WIPI2: variants seen among roughly 807,000 people sequenced by gnomAD.
The protein encoded by WIPI2 is WD repeat domain phosphoinositide-interacting protein 2.
A neutral mutation model predicts 52.3 loss-of-function variants in WIPI2; 28 were observed. That is an observed-to-expected ratio of 0.54 (90% confidence interval 0.40 to 0.73). The LOEUF (loss-of-function observed/expected upper bound fraction) is 0.73. Ranked by LOEUF, WIPI2 falls within the 30% of genes least tolerant of loss-of-function variation. WIPI2 has a pLI of 0.00. For missense variants in WIPI2, 506 were observed against 602.9 expected, an observed-to-expected ratio of 0.84 and a Z score of 1.68; for synonymous variants, 268 against 245.0, an observed-to-expected ratio of 1.09 and a Z score of -0.88.
intron 7 of WIPI2, among the ~76,000 whole-genome samples, chr7:5,219,835 G>A (rs989146941): frequency 2.8e-5 from 4 of 144,622 alleles, no homozygotes; most frequent in Admixed American, 6.9e-5. Context: ...TCAAGTACCA[G>A]TTTTTTTTTT....
rs1249675956 is a variant in WIPI2, at chr7:5,227,079, CT to C, written c.849-97del. The C allele has an allele frequency of 1.3e-6, 2 of 1,486,438 alleles. No individual in the cohort carries two copies. Among genetic ancestry groups the C allele is most frequent in the South Asian group, 1.3e-5 (1 of 78,756 alleles). The allele number at this position is 1,486,438 out of a possible 1,614,324, so 92.1% of individuals were successfully genotyped here. On this transcript the variant is annotated intron_variant, in intron 9 of 12. Coordinates refer to ENST00000288828, the MANE Select transcript of WIPI2 (RefSeq NM_015610.4). The surrounding 1 kb of genome is among the most constrained non-coding windows in gnomAD (Gnocchi z 8.1). ...TTAATTTTCCTGTGAAGAATGGAGA[CT>C]TTTGCTGTCGGCTCCAGAGCTGTGC...
intron 7 of WIPI2, 22 bp from the exon 8 acceptor site, chr7:5,222,580 C>T: frequency 6.2e-7 from 1 of 1,610,456 alleles, no homozygotes; most frequent in South Asian, 1.1e-5. Context: ...TCAAATTCTT[C>T]TTTTCTCTTT....
chr7:5,216,738 TC>T, intron 5 of WIPI2, 79 bp downstream of exon 5: 1 of 1,405,974 alleles, frequency 7.1e-7, no homozygotes, highest in Non-Finnish European at 9.9e-7. Context: ...AGAGATTTTT[TC>T]TTTTTATAGG....
chr7:5,217,406 T>C (rs1042746393), intron 6 of WIPI2: 2 of 543,754 alleles, frequency 3.7e-6, no homozygotes, highest in African/African-American at 1.9e-5. Context: ...CTGGGCTCAA[T>C]TGATCCTCCT....
chr7:5,224,329 T>C (rs1311744639), intron 8 of WIPI2, among the ~76,000 whole-genome samples: 1 of 152,258 alleles, frequency 6.6e-6, no homozygotes, highest in Admixed American at 6.5e-5. Flanking sequence ...TTAAATCCCT[T>C]TCTCCATGCG....
chr7:5,223,350 C>T (rs936553912), intron 8 of WIPI2, among the ~76,000 whole-genome samples: 1 of 152,218 alleles, frequency 6.6e-6, no homozygotes, highest in African/African-American at 2.4e-5. Flanking sequence ...TCAGTACCTC[C>T]CTCCCTGAAG....
intron 2 of WIPI2, among the ~76,000 whole-genome samples, chr7:5,195,253 A>AAG (rs996379577): frequency 1.3e-5 from 2 of 152,202 alleles, no homozygotes; most frequent in Non-Finnish European, 2.9e-5. Flanking sequence ...ATGCAAGGCC[A>AAG]AGGTGGGAGG....
At position 5,214,676 on chromosome 7, in the gene WIPI2, C is replaced by G. The variant is rs766186638; in HGVS notation, c.353C>G (p.Thr118Arg). 12 of 1,614,116 alleles carry G rather than the reference C, an allele frequency of 7.4e-6. No homozygotes were observed. In the South Asian group the frequency reaches 1.3e-4, roughly 18 times the overall value. The change falls in exon 4 of 13, where the codon ACG becomes AGG. Residue 118 changes from threonine to arginine, a missense_variant. Thr to Arg is a moderately conservative substitution (Grantham distance 71). Coordinates refer to ENST00000288828, the MANE Select transcript of WIPI2 (RefSeq NM_015610.4). Reference protein sequence around the residue: ...TEICNYSYSNTILAVKLNRQR... With the variant: ...TEICNYSYSNRILAVKLNRQR... ...ATCTGCAACTACAGCTACTCCAACA[C>G]GATTCTGGCTGTGAAGCTCAACAGG...
chr7:5,207,086 G>A (rs979888550), intron 3 of WIPI2, among the ~76,000 whole-genome samples: 5 of 152,104 alleles, frequency 3.3e-5, no homozygotes, highest in Non-Finnish European at 2.9e-5. Flanking sequence ...TTTTGTGTGT[G>A]TGTGTGCATT....
At chr7:5,206,826 G>A (rs1273382731) in intron 3 of WIPI2, among the ~76,000 whole-genome samples, 2 of 152,138 alleles carry the variant, frequency 1.3e-5, no homozygotes, top group South Asian at 2.1e-4. Flanking sequence ...CTGCCAGGCT[G>A]GAGTGCAGTG....
At chr7:5,204,659 T>TTTGTGTTATGGCTGTTACCAC (rs1782204013) in intron 3 of WIPI2, among the ~76,000 whole-genome samples, 2 of 152,174 alleles carry the variant, frequency 1.3e-5, no homozygotes, top group Admixed American at 6.5e-5. Context: ...AGTGCATCCT[T>TTTGTGTTATGGCTGTTACCAC]TTGTGTTATG....
rs976550043 is a variant in WIPI2 at position 5,233,807 on chromosome 7, A to G, written c.*2860A>G. On this transcript the variant is annotated 3_prime_UTR_variant, in exon 13 of 13. Transcript: ENST00000288828. ...CCAGCCAGCGGTGGGCACCCAATAA[A>G]CGCTACAACATAAATGTGTCTTCTG... 1.3e-5 allele frequency: 2 copies of G among 152,158 alleles called. No individual in the cohort carries two copies. Among genetic ancestry groups the G allele is most frequent in the Non-Finnish European group, 2.9e-5 (2 of 68,022 alleles). The allele number at this position is 152,158 out of a possible 1,614,324, so 9.4% of individuals were successfully genotyped here.
At chr7:5,203,687 T>C (rs911677518) in intron 3 of WIPI2, among the ~76,000 whole-genome samples, 1 of 144,254 alleles carries the variant, frequency 6.9e-6, no homozygotes, top group Non-Finnish European at 1.5e-5. Flanking sequence ...GGCTGGAGTG[T>C]AGTGGCGCAA....
rs10215077 is a variant in WIPI2, at chr7:5,214,164, T to C, written c.212-371T>C. 5.4e-4 allele frequency: 460 copies of C among 858,724 alleles called. 1 individual carries two copies. In the African/African-American group the frequency reaches 7.3e-3, roughly 14 times the overall value. 53.2% of individuals were successfully genotyped at this position (858,724 alleles called of 1,614,324 possible). ...AGTCTATGGAACCCAGGGGAAGCAATTGCAGTTTCGTAGTAGTTTGTGTCT... is the reference window on the plus strand; with the variant it reads ...AGTCTATGGAACCCAGGGGAAGCAACTGCAGTTTCGTAGTAGTTTGTGTCT... On this transcript the variant is annotated intron_variant, in intron 3 of 12. Transcript: ENST00000288828.
In WIPI2 at chr7:5,227,265, G is replaced by A; in HGVS notation, c.934G>A (p.Glu312Lys). Residue 312 changes from glutamate to lysine, a missense_variant, in exon 10 of 13, where the codon GAA (glutamate) becomes AAA (lysine). Coordinates refer to ENST00000288828, the MANE Select transcript of WIPI2 (RefSeq NM_015610.4). This position sits in a 1 kb window ranked among gnomAD's most constrained non-coding sequence, Gnocchi z 8.1. ...STSYLPSQVT[E>K]MFNQGRAFAT... The stretch of plus-strand genomic sequence containing the variant: ...CAGCTACCTGCCTTCCCAAGTGACA[G>A]AAATGTTCAACCAGGGCAGAGCCTT... 1.2e-6 allele frequency: 2 copies of A among 1,613,882 alleles called. No individual in the cohort carries two copies. The highest frequency in any genetic ancestry group is 8.5e-7 in the Non-Finnish European group (1 of 1,180,038).
chr7:5,215,468 C>G (rs1782768686), intron 4 of WIPI2, among the ~76,000 whole-genome samples: 1 of 152,234 alleles, frequency 6.6e-6, no homozygotes, highest in Non-Finnish European at 1.5e-5. Flanking sequence ...GTGTTTCACG[C>G]ACGTGTGTGT....
At position 5,232,077 on chromosome 7, in the gene WIPI2, G is replaced by A. The variant is rs1783749888; in HGVS notation, c.*1130G>A. The A allele has an allele frequency of 2.5e-6, 1 of 398,418 alleles. No individual in the cohort carries two copies. Among genetic ancestry groups the A allele is most frequent in the Admixed American group, 4.4e-5 (1 of 22,722 alleles). The allele number at this position is 398,418 out of a possible 1,614,324, so 24.7% of individuals were successfully genotyped here. A position where few individuals can be genotyped will look rare whatever the true frequency, so the allele number is the denominator to read the frequency against. ...AATTAAAACAACCTCAAGTACCTCAGACTCTGCATTCCAAACCAAGGCACC... is the reference window on the plus strand; with the variant it reads ...AATTAAAACAACCTCAAGTACCTCAAACTCTGCATTCCAAACCAAGGCACC... On this transcript the variant is annotated 3_prime_UTR_variant, in exon 13 of 13. Transcript: ENST00000288828.
chr7:5,198,209 CA>C (rs1781844915), intron 2 of WIPI2, among the ~76,000 whole-genome samples: 1 of 152,320 alleles, frequency 6.6e-6, no homozygotes, highest in Middle Eastern at 3.4e-3. Context: ...TGGCACAGCA[CA>C]GGGGTGGAGC....
intron 1 of WIPI2, among the ~76,000 whole-genome samples, chr7:5,191,819 TG>T (rs1292616214): frequency 6.6e-6 from 1 of 152,034 alleles, no homozygotes; most frequent in African/African-American, 2.4e-5. Flanking sequence ...ACTCAGTGGG[TG>T]GTGTACAGCA....
Sources: gnomAD v4.1 joint callset for allele counts (sites outside exome capture counted in the v4.1 genomes callset) on GRCh38, gnomAD v4.1.1 for gene constraint, Gnocchi (gnomAD v3.1) non-coding constraint, MANE v1.5 for transcripts, NCBI Gene and HGNC (gene_info 2026-07-23, HGNC 2026-07-21) for gene names.